The following BLOC1S3 variants were observed in gnomAD, a reference collection of about 807,000 sequenced individuals.
BLOC1S3 encodes the protein biogenesis of lysosome-related organelles complex 1 subunit 3.
In BLOC1S3, 7 loss-of-function variants were observed where a neutral mutation model predicts 9.1. The observed-to-expected ratio is 0.77, with a 90% CI of 0.44 to 1.45. The LOEUF (loss-of-function observed/expected upper bound fraction) is 1.45. BLOC1S3 is among the 40% of genes most tolerant of loss of function. The probability of loss-of-function intolerance (pLI) is 0.01; values close to 1 mark genes in which losing one functional copy is unlikely to be tolerated. For synonymous variants in BLOC1S3, 145 were observed against 158.4 expected, an observed-to-expected ratio of 0.92 and a Z score of 0.64; for missense variants, 307 against 315.2, an observed-to-expected ratio of 0.97 and a Z score of 0.20.
At chr19:45,196,831 G>A (rs1969651902) in intron 2 of BLOC1S3, among the ~76,000 whole-genome samples, 1 of 151,812 alleles carries the variant, frequency 6.6e-6, no homozygotes, top group Non-Finnish European at 1.5e-5. Flanking sequence ...AACCTGGGAG[G>A]CAGAGCTTGC....
chr19:45,193,941 T>C, intron 2 of BLOC1S3, among the ~76,000 whole-genome samples: 1 of 116,182 alleles, frequency 8.6e-6, no homozygotes, highest in Admixed American at 1.0e-4. Context: ...TAGCCGGGAC[T>C]ACAGGCACCC....
chr19:45,195,542 T>G (rs971043673), intron 2 of BLOC1S3, among the ~76,000 whole-genome samples: 39 of 142,394 alleles, frequency 2.7e-4, no homozygotes, highest in Non-Finnish European at 4.7e-5. Flanking sequence ...AAGCCTACTG[T>G]TCTCCTCCCT....
chr19:45,214,484 A>G (rs992979705), intron 3 of BLOC1S3, among the ~76,000 whole-genome samples: 3 of 147,152 alleles, frequency 2.0e-5, no homozygotes, highest in African/African-American at 7.8e-5. Context: ...GTTTGTTTTG[A>G]GACAGAGTCT....
rs941732046 is a variant in BLOC1S3 at position 45,181,202 on chromosome 19, G to C, written c.*1297G>C. 6.0e-6 allele frequency: 1 copy of C among 167,306 alleles called. No individual in the cohort carries two copies. The highest frequency in any genetic ancestry group is 1.5e-5 in the Non-Finnish European group (1 of 68,294). The allele number at this position is 167,306 out of a possible 1,614,324, so 10.4% of individuals were successfully genotyped here. A position where few individuals can be genotyped will look rare whatever the true frequency, so the allele number is the denominator to read the frequency against. ...GGGATAGGTTTTGCTTTCTTTTACT[G>C]TCTCCATCCTACTTACACCTCCCTG... On this transcript the variant is annotated 3_prime_UTR_variant, in exon 2 of 2. Transcript: ENST00000433642.
intron 3 of BLOC1S3, among the ~76,000 whole-genome samples, chr19:45,206,540 C>T (rs1197192222): frequency 7.3e-6 from 1 of 137,542 alleles, no homozygotes; most frequent in Admixed American, 8.0e-5. Flanking sequence ...ACTTCTGCCT[C>T]GAACTCCTGG....
intron 3 of BLOC1S3, among the ~76,000 whole-genome samples, chr19:45,203,935 A>G (rs1025739205): frequency 6.6e-6 from 1 of 152,140 alleles, no homozygotes; most frequent in African/African-American, 2.4e-5. Flanking sequence ...AAACCACCCC[A>G]AAAGCTCATT....
At chr19:45,207,555 CAAAAAAAA>C (rs58164218) in intron 3 of BLOC1S3, among the ~76,000 whole-genome samples, 4 of 64,788 alleles carry the variant, frequency 6.2e-5, no homozygotes, top group South Asian at 4.7e-4. Flanking sequence ...GACTCTGTCT[CAAAAAAAA>C]AAAAAAAAAA....
intron 3 of BLOC1S3, among the ~76,000 whole-genome samples, chr19:45,210,022 T>A (rs2122940502): frequency 6.6e-6 from 1 of 151,060 alleles, no homozygotes; most frequent in East Asian, 1.9e-4. Flanking sequence ...CGTGAGCCAT[T>A]GTGCCTGGCC....
chr19:45,216,302 G>A (rs1372197883), intron 3 of BLOC1S3: 2 of 1,435,998 alleles, frequency 1.4e-6, no homozygotes, highest in Non-Finnish European at 1.9e-6. Flanking sequence ...GAAACCAGGG[G>A]TGGTGGCTCA....
chr19:45,199,885 C>T (rs1969677282), intron 2 of BLOC1S3, among the ~76,000 whole-genome samples: 2 of 152,022 alleles, frequency 1.3e-5, no homozygotes, highest in South Asian at 4.1e-4. Context: ...GGAGCCTCAG[C>T]CTCCTGAGTA....
At chr19:45,215,504 G>A (rs568697918) in intron 3 of BLOC1S3, among the ~76,000 whole-genome samples, 12 of 152,166 alleles carry the variant, frequency 7.9e-5, no homozygotes, top group African/African-American at 2.9e-4. Flanking sequence ...CATGTAAGAT[G>A]CTTATTTAGG....
At chr19:45,213,438 C>T (rs764606029) in intron 3 of BLOC1S3, 37 of 1,534,826 alleles carry the variant, frequency 2.4e-5, no homozygotes, top group Admixed American at 6.2e-5. Context: ...CCCCACCTGA[C>T]CCCCTCACCT....
intron 3 of BLOC1S3, among the ~76,000 whole-genome samples, chr19:45,207,334 T>C (rs1313836301): frequency 2.0e-5 from 3 of 151,446 alleles, no homozygotes; most frequent in Non-Finnish European, 2.9e-5. Context: ...GGTTTCGCCA[T>C]GTTGGCCAGG....
intron 3 of BLOC1S3, among the ~76,000 whole-genome samples, chr19:45,209,341 G>A (rs976974037): frequency 6.6e-6 from 1 of 152,042 alleles, no homozygotes; most frequent in Non-Finnish European, 1.5e-5. Context: ...AAGCCACTGC[G>A]CCTGACCAAC....
chr19:45,179,540 C>T lies in BLOC1S3; in HGVS notation c.244C>T (p.Pro82Ser). The change falls in exon 2 of 2, where the codon CCA becomes TCA. Residue 82 changes from proline (P) to serine (S), a missense_variant. Transcript: ENST00000433642. The surrounding 1 kb of genome is among the most constrained non-coding windows in gnomAD (Gnocchi z 4.6). Reference sequence around the variant, plus strand: ...GACGGCCGCGCCGAGGGACCTGCCTCCACTCGTGGTGCAGCGGGAATCGGC... The same window carrying T: ...GACGGCCGCGCCGAGGGACCTGCCTTCACTCGTGGTGCAGCGGGAATCGGC... ...EPTAAPRDLP[P>S]LVVQRESAEE... The T allele has an allele frequency of 1.3e-6, 2 of 1,522,568 alleles. No individual in the cohort carries two copies. Among genetic ancestry groups the T allele is most frequent in the South Asian group, 1.2e-5 (1 of 82,650 alleles). The allele number at this position is 1,522,568 out of a possible 1,614,324, so 94.3% of individuals were successfully genotyped here.
intron 3 of BLOC1S3, among the ~76,000 whole-genome samples, chr19:45,207,890 T>A (rs1387013982): frequency 6.6e-6 from 1 of 152,106 alleles, no homozygotes; most frequent in African/African-American, 2.4e-5. Context: ...TGAACTAATG[T>A]CAATGTCCTG....
At chr19:45,207,892 A>C (rs1969739795) in intron 3 of BLOC1S3, among the ~76,000 whole-genome samples, 1 of 152,140 alleles carries the variant, frequency 6.6e-6, no homozygotes, top group African/African-American at 2.4e-5. Context: ...AACTAATGTC[A>C]ATGTCCTGTT....
At position 45,214,654 on chromosome 19, in the gene BLOC1S3, G is replaced by A. The variant is rs1018104429; in HGVS notation, n.283-2022G>A. 4.6e-5 allele frequency among the ~76,000 whole-genome samples: 7 copies of A among 151,546 alleles called. No homozygotes were observed. The South Asian group carries it at 6.3e-4, about 14-fold the overall frequency. On this transcript the variant is annotated intron_variant and non_coding_transcript_variant, in intron 3 of 3. Transcript: ENST00000591569. The stretch of plus-strand genomic sequence containing the variant: ...TAATTTTTGTATTTTTAGTAGAGAC[G>A]GTGTTTCACCATGTTGGCCAGGCTG...
At chr19:45,207,384 C>T (rs1031292825) in intron 3 of BLOC1S3, among the ~76,000 whole-genome samples, 29 of 151,648 alleles carry the variant, frequency 1.9e-4, no homozygotes, top group Admixed American at 1.6e-3. Flanking sequence ...CCACCCGCCT[C>T]GGCCTCCCAA....
Sources: gnomAD v4.1 joint callset for allele counts (sites outside exome capture counted in the v4.1 genomes callset) on GRCh38, gnomAD v4.1.1 for gene constraint, Gnocchi (gnomAD v3.1) non-coding constraint, MANE v1.5 for transcripts, NCBI Gene and HGNC (gene_info 2026-07-23, HGNC 2026-07-21) for gene names.